TRIO: variants seen among roughly 807,000 people sequenced by gnomAD.
The protein encoded by TRIO is triple functional domain protein.
Under a neutral mutation model 351.9 loss-of-function variants are expected in TRIO, and 58 were observed. The ratio of observed to expected loss-of-function variants is 0.16; its 90% CI spans 0.13 to 0.21. TRIO has a LOEUF of 0.21. Ranked by LOEUF, TRIO falls within the 10% of genes least tolerant of loss-of-function variation. TRIO has a pLI of 1.00. For synonymous variants in TRIO, 1,758 were observed against 1,595.7 expected (o/e 1.10, Z -2.42); for missense variants, 3,201 against 4,027.8 (o/e 0.79, Z 5.56).
At chr5:14,258,191 C>A (rs1293571715) in intron 1 of TRIO, among the ~76,000 whole-genome samples, 1 of 152,206 alleles carries the variant, frequency 6.6e-6, no homozygotes, top group Non-Finnish European at 1.5e-5. Flanking sequence ...TTGCCTGTCC[C>A]CACAGCGAGC....
intron 1 of TRIO, among the ~76,000 whole-genome samples, chr5:14,218,269 G>C (rs1256147477): frequency 6.6e-6 from 1 of 152,172 alleles, no homozygotes; most frequent in Non-Finnish European, 1.5e-5. Flanking sequence ...GGTTTAAAGA[G>C]CTTAGGGTGG....
chr5:14,297,056 C>T lies in TRIO; in HGVS notation c.1177-16C>T. 6.2e-7 allele frequency: 1 copy of T among 1,601,854 alleles called. No individual in the cohort carries two copies. The highest frequency in any genetic ancestry group is 8.5e-7 in the Non-Finnish European group (1 of 1,170,662). Reference sequence around the variant, plus strand: ...GCTCTCCCCTAAGGAGCCCTCTTTTCCTGCCCACTTTCCAGAACGTGTATG... The same window carrying T: ...GCTCTCCCCTAAGGAGCCCTCTTTTTCTGCCCACTTTCCAGAACGTGTATG... On this transcript the variant is annotated splice_polypyrimidine_tract_variant and intron_variant, in intron 6 of 56. Coordinates refer to ENST00000344204, the MANE Select transcript of TRIO (RefSeq NM_007118.4).
intron 1 of TRIO, among the ~76,000 whole-genome samples, chr5:14,206,574 C>T (rs950445816): frequency 5.3e-5 from 8 of 152,200 alleles, no homozygotes; most frequent in Admixed American, 2.6e-4. Context: ...TCTCAGGTCC[C>T]GCTGCCCTTC....
Position 14,430,925 on chromosome 5 carries a change from G to A in TRIO, c.5203+10904G>A, listed in dbSNP as rs574617563. On this transcript the variant is annotated intron_variant, in intron 34 of 56. Transcript: ENST00000344204. ...CGGAGTTTCACTATGTTGGCCAGGC[G>A]GGTCTTGAACTCCTGACCTCAGGTG... Among the ~76,000 whole-genome samples the A allele has an allele frequency of 5.9e-5, 9 of 152,104 alleles. No homozygotes were observed. The South Asian group carries it at 8.3e-4, about 14-fold the overall frequency.
intron 1 of TRIO, among the ~76,000 whole-genome samples, chr5:14,246,620 C>T (rs1221184075): frequency 6.6e-6 from 1 of 152,214 alleles, no homozygotes; most frequent in Non-Finnish European, 1.5e-5. Flanking sequence ...GGCCTGCCCC[C>T]TTTCTGTGGG....
At chr5:14,417,090 C>G (rs1254041062) in intron 33 of TRIO, among the ~76,000 whole-genome samples, 1 of 152,222 alleles carries the variant, frequency 6.6e-6, no homozygotes, top group Non-Finnish European at 1.5e-5. Flanking sequence ...AGTCACGGGA[C>G]TAACCACTCC....
At chr5:14,328,293 C>G (rs572398633) in intron 9 of TRIO, among the ~76,000 whole-genome samples, 1 of 151,954 alleles carries the variant, frequency 6.6e-6, no homozygotes, top group Non-Finnish European at 1.5e-5. Flanking sequence ...GAGCTCAATA[C>G]GCTAGTTAAA....
At chr5:14,419,747 G>C in intron 33 of TRIO, 31 bp from the exon 34 acceptor site, 1 of 1,610,676 alleles carries the variant, frequency 6.2e-7, no homozygotes, top group Non-Finnish European at 8.5e-7. Flanking sequence ...CACACTGGCT[G>C]ACCTGTCCTC....
At chr5:14,164,132 A>G (rs1048120783) in intron 1 of TRIO, among the ~76,000 whole-genome samples, 2 of 152,190 alleles carry the variant, frequency 1.3e-5, no homozygotes, top group African/African-American at 2.4e-5. Flanking sequence ...GGATATAGCA[A>G]TTTTTACCTC....
At chr5:14,400,897 G>A in intron 30 of TRIO, 66 bp from the exon 31 acceptor site, 9 of 1,471,784 alleles carry the variant, frequency 6.1e-6, no homozygotes, top group East Asian at 2.3e-5. Flanking sequence ...CTGTTTCCTT[G>A]GTCTCTGTTC....
At chr5:14,305,393 G>A (rs568096531) in intron 8 of TRIO, among the ~76,000 whole-genome samples, 1 of 152,300 alleles carries the variant, frequency 6.6e-6, no homozygotes, top group South Asian at 2.1e-4. Flanking sequence ...TAATAGTTAC[G>A]TTCCTGGAGG....
At chr5:14,279,023 C>A (rs1295308106) in intron 2 of TRIO, among the ~76,000 whole-genome samples, 1 of 152,152 alleles carries the variant, frequency 6.6e-6, no homozygotes, top group Non-Finnish European at 1.5e-5. Flanking sequence ...ATGATAAAAC[C>A]TCTCAACAGA....
intron 18 of TRIO, among the ~76,000 whole-genome samples, chr5:14,372,158 A>G (rs1221707880): frequency 6.9e-6 from 1 of 144,670 alleles, no homozygotes; most frequent in African/African-American, 2.6e-5. Context: ...ACCATCCACA[A>G]TTTGTAGATT....
chr5:14,160,817 C>T lies in TRIO; in HGVS notation c.157+16935C>T, dbSNP rs115451308. The stretch of plus-strand genomic sequence containing the variant: ...CAGAATTATTCTCAGATCTCCTTCC[C>T]GACTCGTCCCTTTCTCCCACTGAAG... On this transcript the variant is annotated intron_variant, in intron 1 of 56. Transcript: ENST00000344204. Among the ~76,000 whole-genome samples, 957 of 152,286 alleles carry T rather than the reference C, an allele frequency of 6.3e-3. 9 individuals are homozygous for T. The highest frequency in any genetic ancestry group is 0.022 in the African/African-American group (904 of 41,540).
chr5:14,508,596 C>CTGGGGTGGAGGACCGTCACTTA lies in TRIO; in HGVS notation c.*175_*196dup. 5 of 798,884 alleles carry CTGGGGTGGAGGACCGTCACTTA rather than the reference C, an allele frequency of 6.3e-6. No individual in the cohort carries two copies. Among genetic ancestry groups the CTGGGGTGGAGGACCGTCACTTA allele is most frequent in the Non-Finnish European group, 9.7e-6 (5 of 517,222 alleles). 49.5% of individuals were successfully genotyped at this position (798,884 alleles called of 1,614,324 possible). On this transcript the variant is annotated 3_prime_UTR_variant, in exon 57 of 57. Coordinates refer to ENST00000344204, the MANE Select transcript of TRIO (RefSeq NM_007118.4). ...CTTGGACACAGAGCTGCAAGCTGCG[C>CTGGGGTGGAGGACCGTCACTTA]TGGGGTGGAGGACCGTCACTTACAC...
chr5:14,264,818 TGC>T (rs1417993330), intron 1 of TRIO, among the ~76,000 whole-genome samples: 1 of 152,356 alleles, frequency 6.6e-6, no homozygotes, highest in East Asian at 1.9e-4. Context: ...CACCTCCCTC[TGC>T]GCGTGCGCTT....
Position 14,485,136 on chromosome 5 carries a change from C to T in TRIO, c.6725C>T (p.Thr2242Met), listed in dbSNP as rs55916212. Residue 2242 changes from threonine to methionine, a missense_variant, in exon 47 of 57, where the codon ACG (threonine) becomes ATG (methionine). Physicochemically the swap from Thr to Met is moderately conservative, Grantham distance 81 (BLOSUM62 -1). This residue lies in a region of TRIO where 1,089 missense variants were observed against 954.9 expected (regional missense o/e 1.14). Transcript: ENST00000344204. ...TGTAAATTTGCTCTGACATCGAGGA[C>T]GGGTGACGTGGTAGAGACCTTCATT... ...DPCKFALTSR[T>M]GDVVETFILH... is the part of the protein sequence containing the mutation. 3.1e-5 allele frequency: 50 copies of T among 1,589,034 alleles called. No homozygotes were observed. The highest frequency in any genetic ancestry group is 2.1e-4 in the South Asian group (19 of 89,086).
At chr5:14,397,565 A>G (rs1408880259) in intron 29 of TRIO, among the ~76,000 whole-genome samples, 1 of 152,246 alleles carries the variant, frequency 6.6e-6, no homozygotes, top group Admixed American at 6.5e-5. Context: ...CATAGTAGGC[A>G]CCAGATATTT....
intron 9 of TRIO, among the ~76,000 whole-genome samples, chr5:14,328,404 A>G (rs574320774): frequency 5.9e-5 from 9 of 152,350 alleles, no homozygotes; most frequent in African/African-American, 2.2e-4. Flanking sequence ...AGTTAAAACA[A>G]TGCGCCCAAT....
Sources: allele counts gnomAD v4.1 joint callset (sites outside exome capture counted in the v4.1 genomes callset), GRCh38; gene constraint gnomAD v4.1.1; regional missense constraint gnomAD v4.1.1; transcripts MANE v1.5; gene names NCBI Gene and HGNC (gene_info 2026-07-23, HGNC 2026-07-21).